RIN2: variants seen among roughly 807,000 people sequenced by gnomAD.
The protein encoded by RIN2 is Ras and Rab interactor 2, also known as RAB5 interacting protein 2.
RIN2 carries 36 observed loss-of-function variants against 78.0 expected under a neutral mutation model. That is an observed-to-expected ratio of 0.46 (90% CI 0.35 to 0.61). The LOEUF is 0.61. Ranked by LOEUF, RIN2 falls within the 20% of genes least tolerant of loss-of-function variation. The probability of loss-of-function intolerance (pLI) is 0.00; values close to 1 mark genes in which losing one functional copy is unlikely to be tolerated. For missense variants in RIN2, 1,087 were observed against 1,159.7 expected (o/e 0.94, Z 0.91); for synonymous variants, 466 against 466.8 (o/e 1.00, Z 0.02).
At chr20:19,995,271 A>AAC (rs1555811984) in intron 11 of RIN2, among the ~76,000 whole-genome samples, 1 of 151,382 alleles carries the variant, frequency 6.6e-6, no homozygotes, top group East Asian at 1.9e-4. Context: ...TAAAAAAAAA[A>AAC]AAAAAAACAA....
chr20:19,954,089 A>G (rs199554), intron 4 of RIN2, among the ~76,000 whole-genome samples: 33,498 of 152,178 alleles, frequency 0.22, 3,829 homozygotes, highest in East Asian at 0.4. Flanking sequence ...TGGCCAGTCC[A>G]CATGCCAACA....
chr20:19,819,448 C>A (rs2035866206), intron 2 of RIN2, among the ~76,000 whole-genome samples: 1 of 152,228 alleles, frequency 6.6e-6, no homozygotes, highest in African/African-American at 2.4e-5. Context: ...GGCTTTAACA[C>A]AGGTATTCAC....
intron 2 of RIN2, among the ~76,000 whole-genome samples, chr20:19,829,369 G>T (rs1220756935): frequency 2.0e-5 from 3 of 152,132 alleles, no homozygotes; most frequent in Non-Finnish European, 4.4e-5. Context: ...AAAAAAAATG[G>T]ATTGAATCCA....
chr20:19,813,725 A>T (rs1222529728), intron 2 of RIN2, among the ~76,000 whole-genome samples: 1 of 152,204 alleles, frequency 6.6e-6, no homozygotes, highest in Non-Finnish European at 1.5e-5. Context: ...GTATTTTTTA[A>T]AAAAATGAAA....
At chr20:19,921,156 C>A (rs560001461) in intron 3 of RIN2, among the ~76,000 whole-genome samples, 26 of 152,276 alleles carry the variant, frequency 1.7e-4, no homozygotes, top group African/African-American at 5.1e-4. Flanking sequence ...CCACTTTGAT[C>A]TCTTTTGTAT....
intron 4 of RIN2, among the ~76,000 whole-genome samples, chr20:19,956,277 A>AG (rs2041532520): frequency 6.7e-6 from 1 of 150,366 alleles, no homozygotes. Context: ...AAAAAAAAAA[A>AG]GAAAAGAAAA....
intron 2 of RIN2, among the ~76,000 whole-genome samples, chr20:19,852,315 A>G (rs980185363): frequency 2.6e-5 from 4 of 152,232 alleles, no homozygotes; most frequent in Non-Finnish European, 5.9e-5. Context: ...AAGGCTCCAG[A>G]TGGACTCCCA....
intron 9 of RIN2, among the ~76,000 whole-genome samples, chr20:19,980,787 C>T (rs1259175081): frequency 6.6e-6 from 1 of 152,190 alleles, no homozygotes; most frequent in African/African-American, 2.4e-5. Flanking sequence ...AGACGCAGCC[C>T]TCCCTGGTCC....
At position 20,002,096 on chromosome 20, in the gene RIN2, C is replaced by G. The variant is rs1277993945; in HGVS notation, c.*1160C>G. 6.6e-6 allele frequency: 1 copy of G among 152,182 alleles called. No individual in the cohort carries two copies. Among genetic ancestry groups the G allele is most frequent in the Non-Finnish European group, 1.5e-5 (1 of 68,014 alleles). 9.4% of individuals were successfully genotyped at this position (152,182 alleles called of 1,614,324 possible). On this transcript the variant is annotated 3_prime_UTR_variant, in exon 13 of 13. Coordinates refer to ENST00000255006, the MANE Select transcript of RIN2 (RefSeq NM_018993.4). ...GGCTTTTGTTGAGTTAAATAAGATGCTATATAATGGAGAAGAATTTGAAAA... is the reference window on the plus strand; with the variant it reads ...GGCTTTTGTTGAGTTAAATAAGATGGTATATAATGGAGAAGAATTTGAAAA...
At chr20:19,960,460 T>C (rs2041704025) in intron 5 of RIN2, among the ~76,000 whole-genome samples, 1 of 152,204 alleles carries the variant, frequency 6.6e-6, no homozygotes, top group Admixed American at 6.5e-5. Context: ...GGGGAGTTCT[T>C]AGCCCCATGG....
intron 6 of RIN2, among the ~76,000 whole-genome samples, chr20:19,962,464 T>A (rs2146265463): frequency 6.6e-6 from 1 of 152,318 alleles, no homozygotes; most frequent in Admixed American, 6.5e-5. Flanking sequence ...TGTGGAAGCT[T>A]CCTCGTTGTT....
chr20:19,861,485 A>G (rs946014825), intron 2 of RIN2, among the ~76,000 whole-genome samples: 8 of 152,078 alleles, frequency 5.3e-5, no homozygotes, highest in East Asian at 1.9e-4. Flanking sequence ...TTGAGCAAGA[A>G]CGCCCTGCCC....
chr20:19,828,715 G>A (rs1683081667), intron 2 of RIN2, among the ~76,000 whole-genome samples: 1 of 152,202 alleles, frequency 6.6e-6, no homozygotes, highest in Non-Finnish European at 1.5e-5. Flanking sequence ...AATGGAACAT[G>A]ATAAAATATG....
At chr20:19,939,624 G>C (rs748005873) in intron 4 of RIN2, among the ~76,000 whole-genome samples, 2 of 152,082 alleles carry the variant, frequency 1.3e-5, no homozygotes, top group Non-Finnish European at 2.9e-5. Flanking sequence ...CTCTTCTCTA[G>C]CATTCTCTCC....
At chr20:19,966,766 T>A (rs925231825) in intron 7 of RIN2, among the ~76,000 whole-genome samples, 1 of 152,166 alleles carries the variant, frequency 6.6e-6, no homozygotes, top group Non-Finnish European at 1.5e-5. Flanking sequence ...TCACTGAGAA[T>A]GGGACTAGTA....
chr20:19,796,385 T>A (rs759949868), intron 1 of RIN2, among the ~76,000 whole-genome samples: 9 of 152,222 alleles, frequency 5.9e-5, no homozygotes, highest in Non-Finnish European at 1.0e-4. Flanking sequence ...CTGTAGGTCA[T>A]GATCCCCCAG....
At chr20:19,770,422 G>A (rs566817343) in intron 1 of RIN2, among the ~76,000 whole-genome samples, 4 of 152,232 alleles carry the variant, frequency 2.6e-5, no homozygotes, top group South Asian at 2.1e-4. Context: ...AAAGCCCAGC[G>A]CAGAGGCAAG....
chr20:19,967,321 C>G (rs1464791438), intron 7 of RIN2, among the ~76,000 whole-genome samples: 1 of 152,156 alleles, frequency 6.6e-6, no homozygotes, highest in Admixed American at 6.5e-5. Context: ...CCTGTCTGTT[C>G]CAAAATGCAA....
chr20:19,888,962 G>T (rs1344052079), intron 2 of RIN2, among the ~76,000 whole-genome samples: 1 of 152,210 alleles, frequency 6.6e-6, no homozygotes, highest in Non-Finnish European at 1.5e-5. Flanking sequence ...CTCCCCTTTT[G>T]TGGATGATCG....
Sources: gnomAD v4.1 joint callset for allele counts (sites outside exome capture counted in the v4.1 genomes callset) on GRCh38, gnomAD v4.1.1 for gene constraint, MANE v1.5 for transcripts, NCBI Gene and HGNC (gene_info 2026-07-23, HGNC 2026-07-21) for gene names.